The following DNAH11 variants were observed in gnomAD, a reference collection of about 807,000 sequenced individuals.
The protein encoded by DNAH11 is axonemal beta dynein heavy chain 11.
In DNAH11, 442 loss-of-function variants were observed where a neutral mutation model predicts 526.0. The observed-to-expected ratio is 0.84, with a 90% CI of 0.78 to 0.91. DNAH11 has a LOEUF of 0.91. DNAH11 is among the 40% of genes least tolerant of loss of function. DNAH11 has a pLI of 0.00. For synonymous variants in DNAH11, 2,461 were observed against 1,935.9 expected (o/e 1.27, Z -7.12); for missense variants, 6,989 against 5,448.7 (o/e 1.28, Z -8.90).
intron 25 of DNAH11, 137 bp downstream of exon 25, chr7:21,620,215 A>C: frequency 1.3e-6 from 1 of 768,726 alleles, no homozygotes; most frequent in Non-Finnish European, 1.9e-6. Flanking sequence ...CCGTCATCTC[A>C]TACACTTAAC....
At chr7:21,789,826 T>TTCTTTCTTTCTTTCTG (rs1788385842) in intron 61 of DNAH11, among the ~76,000 whole-genome samples, 1 of 145,300 alleles carries the variant, frequency 6.9e-6, no homozygotes, top group East Asian at 2.0e-4. Flanking sequence ...CTTTCTTTCT[T>TTCTTTCTTTCTTTCTG]TCTTTCTTTC....
At position 21,656,124 on chromosome 7, in the gene DNAH11, T is replaced by A. The variant is rs1485232998; in HGVS notation, c.5094+143T>A. 12 of 933,970 alleles carry A rather than the reference T, an allele frequency of 1.3e-5. No individual in the cohort carries two copies. The African/African-American group carries it at 2.0e-4, about 16-fold the overall frequency. 57.9% of individuals were successfully genotyped at this position (933,970 alleles called of 1,614,324 possible). A position where few individuals can be genotyped will look rare whatever the true frequency, so the allele number is the denominator to read the frequency against. ...GTGCTCGGAGGTTCCTTTTTATCTG[T>A]ATCCACTGTGACAGAGGGCTCTTCT... On this transcript the variant is annotated intron_variant, in intron 29 of 81. Coordinates refer to ENST00000409508, the MANE Select transcript of DNAH11 (RefSeq NM_001277115.2).
At chr7:21,845,629 A>G (rs1410326920) in intron 66 of DNAH11, among the ~76,000 whole-genome samples, 4 of 152,080 alleles carry the variant, frequency 2.6e-5, no homozygotes, top group Non-Finnish European at 5.9e-5. Flanking sequence ...TGATTACTGT[A>G]GCTTGATAGT....
intron 20 of DNAH11, among the ~76,000 whole-genome samples, chr7:21,609,024 C>T (rs571221957): frequency 6.6e-6 from 1 of 152,114 alleles, no homozygotes; most frequent in East Asian, 1.9e-4. Context: ...GAAGGCATCT[C>T]AGTCCACAAG....
chr7:21,691,193 A>G (rs1783607369), intron 35 of DNAH11, among the ~76,000 whole-genome samples: 2 of 149,676 alleles, frequency 1.3e-5, no homozygotes, highest in South Asian at 2.1e-4. Flanking sequence ...TTTTTTTTTA[A>G]CAGTCAAAGT....
At position 21,889,391 on chromosome 7, in the gene DNAH11, A is replaced by T. The variant is rs935721390; in HGVS notation, c.12508-3034A>T. ...AATTTTGTGTGGACATATGTTTTCA[A>T]TTCTTTCGGATATGTACCTTGGAGT... On this transcript the variant is annotated intron_variant, in intron 76 of 81. Coordinates refer to ENST00000409508, the MANE Select transcript of DNAH11 (RefSeq NM_001277115.2). 2.0e-5 allele frequency among the ~76,000 whole-genome samples: 3 copies of T among 152,190 alleles called. No homozygotes were observed. The East Asian group carries it at 5.8e-4, about 29-fold the overall frequency.
intron 55 of DNAH11, among the ~76,000 whole-genome samples, chr7:21,772,982 A>G (rs968280128): frequency 1.3e-5 from 2 of 152,166 alleles, no homozygotes; most frequent in Non-Finnish European, 2.9e-5. Context: ...GACTTTCCTA[A>G]GAGTTGGTGT....
At chr7:21,799,519 G>A (rs146695495) in intron 61 of DNAH11, among the ~76,000 whole-genome samples, 1,625 of 152,084 alleles carry the variant, frequency 0.011, 12 homozygotes, top group Middle Eastern at 0.017. Flanking sequence ...TGTATTTTTA[G>A]TAGAGACAAG....
At chr7:21,662,873 T>C (rs552032441) in intron 30 of DNAH11, among the ~76,000 whole-genome samples, 2 of 152,266 alleles carry the variant, frequency 1.3e-5, no homozygotes, top group South Asian at 2.1e-4. Flanking sequence ...AGTGCAATCT[T>C]GCTACCTGCG....
chr7:21,806,164 T>A (rs1002052626), intron 62 of DNAH11, among the ~76,000 whole-genome samples: 1 of 152,254 alleles, frequency 6.6e-6, no homozygotes, highest in East Asian at 1.9e-4. Context: ...ATGATTTATG[T>A]TGCATGGATA....
At chr7:21,756,115 G>A (rs1404199427) in intron 54 of DNAH11, among the ~76,000 whole-genome samples, 2 of 151,636 alleles carry the variant, frequency 1.3e-5, no homozygotes, top group African/African-American at 2.4e-5. Flanking sequence ...GCTTTTTTAG[G>A]AAGCAATTTT....
Position 21,601,566 on chromosome 7 carries a change from T to C in DNAH11, c.3596T>C (p.Leu1199Pro). Residue 1199 changes from leucine (L) to proline (P), a missense_variant, in exon 18 of 82, where the codon CTC becomes CCC. Leu to Pro is a moderately conservative substitution (Grantham distance 98). Coordinates refer to ENST00000409508, the MANE Select transcript of DNAH11 (RefSeq NM_001277115.2). The part of the protein sequence containing the change: ...LFEPLKETIT[L>P]LESYGQKMPE... ...GAACCTCTAAAAGAAACGATCACCCTCTTGGAAAGCTATGGCCAGAAGATG... is the reference window on the plus strand; with the variant it reads ...GAACCTCTAAAAGAAACGATCACCCCCTTGGAAAGCTATGGCCAGAAGATG... The C allele has an allele frequency of 6.2e-7, 1 of 1,609,162 alleles. No homozygotes were observed. The highest frequency in any genetic ancestry group is 8.5e-7 in the Non-Finnish European group (1 of 1,176,178).
At chr7:21,850,059 G>A (rs559217956) in intron 66 of DNAH11, among the ~76,000 whole-genome samples, 40 of 150,274 alleles carry the variant, frequency 2.7e-4, no homozygotes, top group African/African-American at 7.1e-4. Flanking sequence ...TCATGAGCCC[G>A]TCAAAAACAT....
chr7:21,644,827 A>G (rs1321750726), intron 28 of DNAH11, among the ~76,000 whole-genome samples: 2 of 152,200 alleles, frequency 1.3e-5, no homozygotes, highest in Non-Finnish European at 2.9e-5. Flanking sequence ...ATTCACCTAG[A>G]GGTTCAGGTA....
intron 40 of DNAH11, among the ~76,000 whole-genome samples, chr7:21,710,276 C>T (rs1784411802): frequency 6.6e-6 from 1 of 152,088 alleles, no homozygotes; most frequent in Admixed American, 6.6e-5. Flanking sequence ...CTATAAATCC[C>T]CACAACTGTT....
chr7:21,730,828 G>GT (rs1246192578), intron 45 of DNAH11, among the ~76,000 whole-genome samples: 5 of 152,238 alleles, frequency 3.3e-5, no homozygotes, highest in African/African-American at 1.2e-4. Context: ...AGAAAAAATT[G>GT]TAAGTATTCT....
At chr7:21,621,548 A>G (rs1164762202) in intron 25 of DNAH11, among the ~76,000 whole-genome samples, 2 of 152,150 alleles carry the variant, frequency 1.3e-5, no homozygotes, top group Admixed American at 6.5e-5. Flanking sequence ...AATATCCTTG[A>G]TGAACATTGA....
Position 21,705,554 on chromosome 7 carries a change from A to C in DNAH11, c.6546+17A>C. 6.2e-7 allele frequency: 1 copy of C among 1,609,696 alleles called. No homozygotes were observed. Among genetic ancestry groups the C allele is most frequent in the Non-Finnish European group, 8.5e-7 (1 of 1,176,308 alleles). ...AAGAGTAAGGTATAGTAAATTGCCT[A>C]ATAGCTTACAGCTATGGAAAGAACA... On this transcript the variant is annotated intron_variant, in intron 39 of 81. Transcript: ENST00000409508.
intron 54 of DNAH11, among the ~76,000 whole-genome samples, chr7:21,759,655 C>T (rs949039537): frequency 6.6e-6 from 1 of 152,006 alleles, no homozygotes; most frequent in South Asian, 2.1e-4. Context: ...AGGAGGGTTA[C>T]TACCATCTGA....
Sources: gnomAD v4.1 joint callset for allele counts (sites outside exome capture counted in the v4.1 genomes callset) on GRCh38, gnomAD v4.1.1 for gene constraint, MANE v1.5 for transcripts, NCBI Gene and HGNC (gene_info 2026-07-23, HGNC 2026-07-21) for gene names.